LRRTM4: variants seen among roughly 807,000 people sequenced by gnomAD.
LRRTM4 encodes the protein leucine rich repeat transmembrane neuronal 4.
LRRTM4 carries 25 observed loss-of-function variants against 47.6 expected under a neutral mutation model. The ratio of observed to expected loss-of-function variants is 0.53; its 90% confidence interval spans 0.38 to 0.73. LRRTM4 has a LOEUF of 0.73. Among genes scored for constraint, LRRTM4 ranks in the 30% least tolerant of loss-of-function variants. LRRTM4 has a pLI of 0.00. For missense variants in LRRTM4, 638 were observed against 713.4 expected (o/e 0.89, Z 1.20); for synonymous variants, 311 against 269.5 (o/e 1.15, Z -1.51).
chr2:76,861,906 C>T (rs1672323864), intron 3 of LRRTM4, among the ~76,000 whole-genome samples: 1 of 152,074 alleles, frequency 6.6e-6, no homozygotes, highest in Non-Finnish European at 1.5e-5. Context: ...TCAATACACC[C>T]TGTGGTTTTG....
intron 3 of LRRTM4, among the ~76,000 whole-genome samples, chr2:77,147,394 A>C (rs192118500): frequency 2.0e-5 from 3 of 152,298 alleles, no homozygotes; most frequent in Admixed American, 2.0e-4. Flanking sequence ...GTTAGTGTGC[A>C]AGAGAGCAGA....
At chr2:77,515,608 T>TA (rs997513483) in intron 3 of LRRTM4, among the ~76,000 whole-genome samples, 12 of 151,400 alleles carry the variant, frequency 7.9e-5, no homozygotes, top group South Asian at 4.2e-4. Context: ...AATTTTTTTT[T>TA]AAAAAAACCT....
rs750797459 is a variant in LRRTM4 at position 77,519,878 on chromosome 2, A to G, written c.5-14T>C. 6.4e-7 allele frequency: 1 copy of G among 1,555,524 alleles called. No homozygotes were observed. Among genetic ancestry groups the G allele is most frequent in the Non-Finnish European group, 8.7e-7 (1 of 1,151,092 alleles). ...TTAAATGGAAACCTACGATATTAAAAAAAAGACAGATGCACATTGTGAAGC... is the reference window on the plus strand; with the variant it reads ...TTAAATGGAAACCTACGATATTAAAGAAAAGACAGATGCACATTGTGAAGC... On this transcript the variant is annotated splice_polypyrimidine_tract_variant and intron_variant, in intron 2 of 3. Transcript: ENST00000409884. This position sits in a 1 kb window ranked among gnomAD's most constrained non-coding sequence, Gnocchi z 4.6.
At chr2:77,180,424 A>C (rs1212898847) in intron 3 of LRRTM4, among the ~76,000 whole-genome samples, 1 of 152,148 alleles carries the variant, frequency 6.6e-6, no homozygotes, top group Non-Finnish European at 1.5e-5. Context: ...TGTGCACTCT[A>C]ATGACCTGTG....
At chr2:77,258,062 C>T (rs1273197298) in intron 3 of LRRTM4, among the ~76,000 whole-genome samples, 1 of 151,004 alleles carries the variant, frequency 6.6e-6, no homozygotes, top group East Asian at 2.0e-4. Context: ...TGCCATTGCA[C>T]TCTAGCCTGA....
At chr2:77,496,060 G>C (rs1485572642) in intron 3 of LRRTM4, among the ~76,000 whole-genome samples, 2 of 151,794 alleles carry the variant, frequency 1.3e-5, no homozygotes, top group Non-Finnish European at 2.9e-5. Context: ...GGTTTTCAGA[G>C]TACAGGTTTT....
intron 3 of LRRTM4, among the ~76,000 whole-genome samples, chr2:77,368,733 C>A (rs908194138): frequency 6.6e-6 from 1 of 151,448 alleles, no homozygotes; most frequent in South Asian, 2.1e-4. Context: ...GTGGTCCAAA[C>A]GAAAGGAAAG....
intron 3 of LRRTM4, among the ~76,000 whole-genome samples, chr2:77,019,154 T>C (rs951169196): frequency 3.5e-5 from 5 of 143,658 alleles, no homozygotes; most frequent in Admixed American, 2.9e-4. Context: ...TTATAGAGAG[T>C]CAGAATATAG....
chr2:76,904,053 G>A (rs1168455024), intron 3 of LRRTM4, among the ~76,000 whole-genome samples: 1 of 152,204 alleles, frequency 6.6e-6, no homozygotes, highest in African/African-American at 2.4e-5. Context: ...AATATTTGCA[G>A]CAACACTGGT....
intron 3 of LRRTM4, among the ~76,000 whole-genome samples, chr2:76,973,425 A>G (rs552690200): frequency 3.2e-4 from 49 of 152,156 alleles, no homozygotes; most frequent in Non-Finnish European, 5.9e-4. Flanking sequence ...TATCTGCTGC[A>G]TAATTTAGAA....
intron 3 of LRRTM4, among the ~76,000 whole-genome samples, chr2:77,373,086 A>AT (rs1553435858): frequency 3.8e-4 from 49 of 130,114 alleles, no homozygotes; most frequent in African/African-American, 1.0e-3. Flanking sequence ...AATTAAAAAA[A>AT]AAATATATAT....
chr2:77,193,278 G>A (rs1673723937), intron 3 of LRRTM4, among the ~76,000 whole-genome samples: 2 of 152,056 alleles, frequency 1.3e-5, no homozygotes, highest in South Asian at 4.1e-4. Flanking sequence ...TATGATGTTT[G>A]CACAACAAAA....
At chr2:77,341,415 C>T (rs560879850) in intron 3 of LRRTM4, among the ~76,000 whole-genome samples, 26 of 152,086 alleles carry the variant, frequency 1.7e-4, no homozygotes, top group African/African-American at 6.3e-4. Flanking sequence ...CTTAGTTTGA[C>T]TCTGCTTAAA....
chr2:77,508,000 G>C (rs1271681861), intron 3 of LRRTM4, among the ~76,000 whole-genome samples: 1 of 152,016 alleles, frequency 6.6e-6, no homozygotes, highest in East Asian at 1.9e-4. Context: ...ATCTGCATAC[G>C]TGGAAGAGTT....
intron 3 of LRRTM4, among the ~76,000 whole-genome samples, chr2:76,899,075 T>C (rs1673525340): frequency 6.6e-6 from 1 of 151,946 alleles, no homozygotes; most frequent in Non-Finnish European, 1.5e-5. Context: ...TGAAGAAATA[T>C]GAGACTCTTA....
At chr2:76,854,778 A>G (rs1161937658) in intron 3 of LRRTM4, among the ~76,000 whole-genome samples, 1 of 151,880 alleles carries the variant, frequency 6.6e-6, no homozygotes, top group Non-Finnish European at 1.5e-5. Context: ...GGCATTTGGG[A>G]TACATCATTG....
chr2:76,824,701 C>T (rs1671144746), intron 3 of LRRTM4, among the ~76,000 whole-genome samples: 1 of 150,622 alleles, frequency 6.6e-6, no homozygotes, highest in Admixed American at 6.6e-5. Context: ...TGATTTGAAA[C>T]ACCGCAAAGG....
chr2:77,016,161 G>A (rs1293835193), intron 3 of LRRTM4, among the ~76,000 whole-genome samples: 2 of 152,074 alleles, frequency 1.3e-5, no homozygotes, highest in African/African-American at 2.4e-5. Flanking sequence ...GCCAAGGAGG[G>A]CAGATCAAGA....
In LRRTM4 at chr2:76,964,264, A is replaced by C. The variant is rs188632791; in HGVS notation, c.1552-215348T>G. Reference sequence around the variant, plus strand: ...AACATTTTAAGCAATAAAAAAATCAACTCTTCAGATATGCAAGACTTTATT... The same window carrying C: ...AACATTTTAAGCAATAAAAAAATCACCTCTTCAGATATGCAAGACTTTATT... On this transcript the variant is annotated intron_variant, in intron 3 of 3. Transcript: ENST00000409884. 1.2e-3 allele frequency among the ~76,000 whole-genome samples: 185 copies of C among 150,958 alleles called. 3 individuals carry two copies. The highest frequency in any genetic ancestry group is 0.012 in the Admixed American group (176 of 15,064).
Sources: gnomAD v4.1 joint callset for allele counts (sites outside exome capture counted in the v4.1 genomes callset) on GRCh38, gnomAD v4.1.1 for gene constraint, Gnocchi (gnomAD v3.1) non-coding constraint, MANE v1.5 for transcripts, NCBI Gene and HGNC (gene_info 2026-07-23, HGNC 2026-07-21) for gene names.